The following ATP9B variants were observed in gnomAD, a reference collection of about 807,000 sequenced individuals.
ATP9B encodes probable phospholipid-transporting ATPase IIB.
Under a neutral mutation model 146.1 loss-of-function variants are expected in ATP9B, and 110 were observed. The observed-to-expected ratio is 0.75, with a 90% CI of 0.65 to 0.88. ATP9B has a LOEUF of 0.88. Ranked by LOEUF, ATP9B falls within the 40% of genes least tolerant of loss-of-function variation. The probability of loss-of-function intolerance (pLI) is 0.00; values close to 1 mark genes in which losing one functional copy is unlikely to be tolerated. For missense variants in ATP9B, 1,499 were observed against 1,496.4 expected (o/e 1.00, Z -0.03); for synonymous variants, 604 against 569.7 (o/e 1.06, Z -0.86).
intron 26 of ATP9B, chr18:79,372,241 G>A (rs113274185): frequency 0.29 from 31,852 of 110,750 alleles, 5,002 homozygotes; most frequent in African/African-American, 0.46. Context: ...CTGCCCCCTC[G>A]TCCCCTGCCT....
At chr18:79,148,706 T>A (rs1452458124) in intron 6 of ATP9B, among the ~76,000 whole-genome samples, 1 of 152,204 alleles carries the variant, frequency 6.6e-6, no homozygotes, top group Non-Finnish European at 1.5e-5. Flanking sequence ...GCACTTCTAG[T>A]CTGTAAGGCA....
intron 11 of ATP9B, among the ~76,000 whole-genome samples, chr18:79,218,605 C>G (rs1416499439): frequency 6.6e-6 from 1 of 152,022 alleles, no homozygotes; most frequent in African/African-American, 2.4e-5. Context: ...GGGTCCGGCA[C>G]TGACTGGCAG....
intron 1 of ATP9B, among the ~76,000 whole-genome samples, chr18:79,070,400 G>T (rs183572948): frequency 6.6e-6 from 1 of 152,258 alleles, no homozygotes; most frequent in African/African-American, 2.4e-5. Context: ...ACCCACTAGC[G>T]ATTTACTCTC....
At chr18:79,200,419 G>C (rs1231967939) in intron 9 of ATP9B, among the ~76,000 whole-genome samples, 1 of 152,178 alleles carries the variant, frequency 6.6e-6, no homozygotes, top group Non-Finnish European at 1.5e-5. Context: ...AAATCAGTAA[G>C]GATATAGTAG....
intron 1 of ATP9B, among the ~76,000 whole-genome samples, chr18:79,080,711 G>A (rs1163197804): frequency 2.0e-5 from 3 of 152,160 alleles, no homozygotes; most frequent in Non-Finnish European, 4.4e-5. Context: ...TTTTCAAAGG[G>A]AATGCTTCCA....
At chr18:79,327,928 C>CCA (rs2096767230) in intron 15 of ATP9B, among the ~76,000 whole-genome samples, 3 of 18,116 alleles carry the variant, frequency 1.7e-4, no homozygotes, top group Admixed American at 7.0e-4. Context: ...CGTGCTCTCT[C>CCA]TGGTTAGCGT....
Position 79,289,678 on chromosome 18 carries a change from G to C in ATP9B, c.1411+12482G>C, listed in dbSNP as rs1036746556. On this transcript the variant is annotated intron_variant, in intron 13 of 29. Coordinates refer to ENST00000426216, the MANE Select transcript of ATP9B (RefSeq NM_198531.5). The stretch of plus-strand genomic sequence containing the variant: ...GCGGAACTGTGTTCCTTTGGAGGAG[G>C]AGAGGCGCTCTGCTTTTTAGAGTTT... 4.6e-5 allele frequency among the ~76,000 whole-genome samples: 7 copies of C among 152,214 alleles called. No homozygotes were observed. In the South Asian group the frequency reaches 1.5e-3, roughly 32 times the overall value.
chr18:79,316,340 C>T (rs528009443), intron 15 of ATP9B, among the ~76,000 whole-genome samples: 1 of 152,294 alleles, frequency 6.6e-6, no homozygotes, highest in South Asian at 2.1e-4. Context: ...TTCCACCCGC[C>T]GCCTGAATGT....
intron 6 of ATP9B, chr18:79,146,544 G>A (rs2094591790): frequency 5.1e-6 from 1 of 194,720 alleles, no homozygotes. Context: ...GTGACTGAAG[G>A]TGCAAGCTGC....
intron 1 of ATP9B, among the ~76,000 whole-genome samples, chr18:79,072,132 T>C (rs562819037): frequency 3.6e-5 from 5 of 137,158 alleles, no homozygotes; most frequent in African/African-American, 1.0e-4. Flanking sequence ...TCTTCTCAAG[T>C]TCCCTAATTC....
intron 7 of ATP9B, chr18:79,174,108 A>G (rs1035371651): frequency 2.8e-6 from 1 of 352,060 alleles, no homozygotes; most frequent in Non-Finnish European, 5.6e-6. Flanking sequence ...TTTTTGCTTT[A>G]TTTAGGAAGA....
intron 11 of ATP9B, among the ~76,000 whole-genome samples, chr18:79,251,518 C>A (rs1488062361): frequency 6.6e-6 from 1 of 152,028 alleles, no homozygotes; most frequent in Non-Finnish European, 1.5e-5. Context: ...ATTTTCATAA[C>A]CTTAGAGTTT....
intron 7 of ATP9B, among the ~76,000 whole-genome samples, chr18:79,175,197 C>CAAA (rs536122117): frequency 3.5e-5 from 2 of 57,424 alleles, no homozygotes; most frequent in Non-Finnish European, 7.6e-5. Context: ...GAGACTGTCT[C>CAAA]AAAAAAAAAA....
chr18:79,336,916 A>G (rs912637642), intron 18 of ATP9B, among the ~76,000 whole-genome samples: 2 of 152,248 alleles, frequency 1.3e-5, no homozygotes, highest in African/African-American at 4.8e-5. Flanking sequence ...GGAGGGTTAC[A>G]GAAGCAAAGA....
chr18:79,164,748 G>A (rs1199778415), intron 7 of ATP9B, among the ~76,000 whole-genome samples: 2 of 152,034 alleles, frequency 1.3e-5, no homozygotes, highest in Non-Finnish European at 2.9e-5. Flanking sequence ...AATTGGTGAG[G>A]TAGTTACATA....
rs564450450 is a variant in ATP9B, at chr18:79,111,918, C to T, written c.445-1323C>T. 5.8e-4 allele frequency among the ~76,000 whole-genome samples: 88 copies of T among 152,158 alleles called. 2 individuals carry two copies. The highest frequency in any genetic ancestry group is 3.5e-3 in the South Asian group (17 of 4,824). On this transcript the variant is annotated intron_variant, in intron 3 of 29. Coordinates refer to ENST00000426216, the MANE Select transcript of ATP9B (RefSeq NM_198531.5). ...TAGGAGTTCTATGTCATTTTTACCA[C>T]GAATGGCAATTTCTAAGTTGCTAAT... is the stretch of plus-strand genomic sequence containing the variant.
rs1015220204 is a variant in ATP9B, at chr18:79,196,869, A to G, written c.954+3606A>G. 3.3e-5 allele frequency among the ~76,000 whole-genome samples: 5 copies of G among 152,240 alleles called. No homozygotes were observed. In the South Asian group the frequency reaches 6.2e-4, roughly 19 times the overall value. ...TTAGAATGAGGTGAAGAAAGATGCT[A>G]TAAGATAATAAAGTCCGTCATAGGA... On this transcript the variant is annotated intron_variant, in intron 9 of 29. Transcript: ENST00000426216.
chr18:79,177,926 A>C (rs1433712867), intron 8 of ATP9B, among the ~76,000 whole-genome samples: 1 of 152,190 alleles, frequency 6.6e-6, no homozygotes, highest in African/African-American at 2.4e-5. Context: ...CTAGGATACT[A>C]TGCATAATTT....
chr18:79,342,160 C>T lies in ATP9B; in HGVS notation c.2284-108C>T, dbSNP rs1458581856. On this transcript the variant is annotated intron_variant, in intron 19 of 29. Coordinates refer to ENST00000426216, the MANE Select transcript of ATP9B (RefSeq NM_198531.5). ...TTTTGCTCATTCATTTATCTATTGA[C>T]GGGCACCTGGGTTGCTTCCACCTTT... 3.7e-5 allele frequency: 28 copies of T among 746,836 alleles called. No homozygotes were observed. The South Asian group carries it at 3.8e-4, about 10-fold the overall frequency. 46.3% of individuals were successfully genotyped at this position (746,836 alleles called of 1,614,324 possible).
Sources: allele counts gnomAD v4.1 joint callset (sites outside exome capture counted in the v4.1 genomes callset), GRCh38; gene constraint gnomAD v4.1.1; transcripts MANE v1.5; gene names NCBI Gene and HGNC (gene_info 2026-07-23, HGNC 2026-07-21).